Variants in SLC9A1 observed in about 807,000 individuals in gnomAD.
SLC9A1 encodes sodium/hydrogen exchanger 1.
In SLC9A1, 22 loss-of-function variants were observed where a neutral mutation model predicts 67.9. That is an observed-to-expected ratio of 0.32 (90% CI 0.23 to 0.46). The LOEUF is 0.46. Among genes scored for constraint, SLC9A1 ranks in the 20% least tolerant of loss-of-function variants. The pLI is 1.00. For missense variants in SLC9A1, 686 were observed against 1,094.8 expected, an observed-to-expected ratio of 0.63 and a Z score of 5.27; for synonymous variants, 421 against 471.8, an observed-to-expected ratio of 0.89 and a Z score of 1.40.
At chr1:27,126,838 G>A (rs992300211) in intron 1 of SLC9A1, among the ~76,000 whole-genome samples, 1 of 152,182 alleles carries the variant, frequency 6.6e-6, no homozygotes, top group Non-Finnish European at 1.5e-5. Context: ...AATCTCCAGT[G>A]TTTGGCACTA....
At chr1:27,121,533 G>C (rs1182442851) in intron 1 of SLC9A1, among the ~76,000 whole-genome samples, 1 of 152,190 alleles carries the variant, frequency 6.6e-6, no homozygotes, top group Non-Finnish European at 1.5e-5. Context: ...GGGGGCCTGG[G>C]CGGCCCCTGG....
At chr1:27,134,782 G>C (rs2083407940) in intron 1 of SLC9A1, among the ~76,000 whole-genome samples, 2 of 152,226 alleles carry the variant, frequency 1.3e-5, no homozygotes, top group Non-Finnish European at 2.9e-5. Flanking sequence ...TGTCACCCAG[G>C]CTGGAGTGCA....
chr1:27,136,548 C>T (rs2083421605), intron 1 of SLC9A1, among the ~76,000 whole-genome samples: 1 of 152,182 alleles, frequency 6.6e-6, no homozygotes, highest in Non-Finnish European at 1.5e-5. Flanking sequence ...TTGAGGGACT[C>T]AGCTCCCCCA....
In SLC9A1 at chr1:27,116,386, A is replaced by G. The variant is rs186129990; in HGVS notation, c.353-2100T>C. On this transcript the variant is annotated intron_variant, in intron 1 of 11. Transcript: ENST00000263980. ...GGCAACAGAGCAAGACTCCATCTTG[A>G]AAAAAAAAAGTTCACACACTGAACA... is the stretch of plus-strand genomic sequence containing the variant. Among the ~76,000 whole-genome samples the G allele has an allele frequency of 1.5e-4, 22 of 149,822 alleles. No individual in the cohort carries two copies. The East Asian group carries it at 4.1e-3, about 28-fold the overall frequency.
At chr1:27,126,728 TAA>T (rs1254705019) in intron 1 of SLC9A1, among the ~76,000 whole-genome samples, 1 of 152,216 alleles carries the variant, frequency 6.6e-6, no homozygotes, top group Non-Finnish European at 1.5e-5. Context: ...ATAGTAAGGA[TAA>T]AGACTTGTTG....
chr1:27,110,001 C>G (rs962871794), intron 2 of SLC9A1, among the ~76,000 whole-genome samples: 1 of 152,162 alleles, frequency 6.6e-6, no homozygotes, highest in East Asian at 1.9e-4. Context: ...AAGGGTGGGC[C>G]CTGGGAAGCT....
intron 3 of SLC9A1, among the ~76,000 whole-genome samples, chr1:27,108,357 GC>G (rs1486757102): frequency 2.7e-5 from 1 of 36,370 alleles, no homozygotes; most frequent in Admixed American, 2.8e-4. Context: ...ACGAGCGCAT[GC>G]CCGGCCCTAT....
chr1:27,129,042 C>A (rs547957944), intron 1 of SLC9A1, among the ~76,000 whole-genome samples: 1 of 152,204 alleles, frequency 6.6e-6, no homozygotes, highest in Non-Finnish European at 1.5e-5. Flanking sequence ...TTCCCAGAAA[C>A]CAGCAGCGGC....
intron 1 of SLC9A1, among the ~76,000 whole-genome samples, chr1:27,150,285 A>C (rs559672696): frequency 6.6e-6 from 1 of 152,170 alleles, no homozygotes; most frequent in South Asian, 2.1e-4. Context: ...CCAAAACCAA[A>C]AAAAGCTATA....
intron 1 of SLC9A1, among the ~76,000 whole-genome samples, chr1:27,142,779 A>T (rs1031138996): frequency 7.2e-5 from 11 of 152,178 alleles, no homozygotes; most frequent in Non-Finnish European, 1.2e-4. Flanking sequence ...TTTCCAACTT[A>T]GAAAAGTTTT....
chr1:27,129,523 C>T (rs2083370770), intron 1 of SLC9A1, among the ~76,000 whole-genome samples: 1 of 152,206 alleles, frequency 6.6e-6, no homozygotes, highest in African/African-American at 2.4e-5. Flanking sequence ...CTAGAAACAG[C>T]AATGGGAGGT....
At chr1:27,153,593 T>C (rs559292243) in intron 1 of SLC9A1, among the ~76,000 whole-genome samples, 3 of 152,310 alleles carry the variant, frequency 2.0e-5, no homozygotes, top group African/African-American at 7.2e-5. Context: ...TGGTTGCTGT[T>C]GACAGAGCAG....
At chr1:27,113,132 G>C (rs2083242269) in intron 2 of SLC9A1, among the ~76,000 whole-genome samples, 1 of 152,118 alleles carries the variant, frequency 6.6e-6, no homozygotes, top group Admixed American at 6.6e-5. Flanking sequence ...GAGGCACAGA[G>C]AGTGTAAGTA....
chr1:27,127,036 T>C (rs1219901692), intron 1 of SLC9A1, among the ~76,000 whole-genome samples: 1 of 152,184 alleles, frequency 6.6e-6, no homozygotes, highest in African/African-American at 2.4e-5. Flanking sequence ...AGTCTGGCTG[T>C]GTTGCCCAGG....
intron 1 of SLC9A1, among the ~76,000 whole-genome samples, chr1:27,120,607 A>G (rs1364478038): frequency 4.6e-5 from 7 of 151,844 alleles, no homozygotes; most frequent in Admixed American, 4.6e-4. Context: ...GTGTGGTGGC[A>G]GGCGCCTCTA....
Position 27,128,365 on chromosome 1 carries a change from T to C in SLC9A1, c.353-14079A>G, listed in dbSNP as rs1373068521. On this transcript the variant is annotated intron_variant, in intron 1 of 11. Transcript: ENST00000263980. ...ACTCAGAAAAAAGCAAAAACAAAAA[T>C]ATATGCCCAGGCCAGGGGAGGTGGC... Among the ~76,000 whole-genome samples the C allele has an allele frequency of 2.6e-5, 4 of 151,654 alleles. No individual in the cohort carries two copies. The East Asian group carries it at 7.8e-4, about 30-fold the overall frequency.
Position 27,137,670 on chromosome 1 carries a change from C to T in SLC9A1, c.352+16313G>A, listed in dbSNP as rs927505815. On this transcript the variant is annotated intron_variant, in intron 1 of 11. Coordinates refer to ENST00000263980, the MANE Select transcript of SLC9A1 (RefSeq NM_003047.5). The surrounding 1 kb of genome is among the most constrained non-coding windows in gnomAD (Gnocchi z 4.6). The stretch of plus-strand genomic sequence containing the variant: ...CCTGACCTGACAACTCCCCAGGCCA[C>T]GACCATAGGGTTCAGCAGGGAACAC... 2.0e-5 allele frequency among the ~76,000 whole-genome samples: 3 copies of T among 152,164 alleles called. No individual in the cohort carries two copies. Among genetic ancestry groups the T allele is most frequent in the African/African-American group, 7.2e-5 (3 of 41,436 alleles).
intron 1 of SLC9A1, among the ~76,000 whole-genome samples, chr1:27,129,536 GCTCTCTCCTGT>G (rs2083370888): frequency 6.6e-6 from 1 of 152,174 alleles, no homozygotes; most frequent in Admixed American, 6.5e-5. Flanking sequence ...TGGGAGGTCA[GCTCTCTCCTGT>G]GGGAGAAGAG....
intron 1 of SLC9A1, among the ~76,000 whole-genome samples, chr1:27,153,431 G>A (rs985851484): frequency 6.6e-6 from 1 of 152,210 alleles, no homozygotes; most frequent in African/African-American, 2.4e-5. Flanking sequence ...GGAGATGAAG[G>A]AAAGGTGGGA....
Sources: allele counts gnomAD v4.1 joint callset (sites outside exome capture counted in the v4.1 genomes callset), GRCh38; gene constraint gnomAD v4.1.1; non-coding constraint Gnocchi (gnomAD v3.1); transcripts MANE v1.5; gene names NCBI Gene and HGNC (gene_info 2026-07-23, HGNC 2026-07-21).